Variants in CFAP97D1 observed in about 807,000 individuals in gnomAD.
CFAP97D1 encodes sperm axonemal maintenance protein CFAP97D1.
Under a neutral mutation model 20.5 loss-of-function variants are expected in CFAP97D1, and 15 were observed. The ratio of observed to expected loss-of-function variants is 0.73; its 90% confidence interval spans 0.49 to 1.13. The LOEUF is 1.13. Ranked by LOEUF, CFAP97D1 falls within the 50% of genes most tolerant of loss-of-function variation. The pLI is 0.00. For missense variants in CFAP97D1, 168 were observed against 202.9 expected (o/e 0.83, Z 1.04); for synonymous variants, 58 against 71.2 (o/e 0.82, Z 0.93).
chr17:43,780,594 G>A lies in CFAP97D1; in HGVS notation c.124+8G>A. 6.4e-7 allele frequency: 1 copy of A among 1,551,668 alleles called. No individual in the cohort carries two copies. The highest frequency in any genetic ancestry group is 1.4e-5 in the African/African-American group (1 of 73,168). ...AGAATAGAATACAAATAGGTATGTG[G>A]GCAGTTTGGGCTGGACACTGCTATT... On this transcript the variant is annotated splice_region_variant and intron_variant, in intron 1 of 5. Transcript: ENST00000449302.
intron 3 of CFAP97D1, 171 bp from the exon 4 acceptor site, chr17:43,783,009 C>T (rs1252376623): frequency 8.7e-6 from 6 of 687,248 alleles, no homozygotes; most frequent in Non-Finnish European, 1.2e-5. Flanking sequence ...TGCATGTTTC[C>T]CGGAGTGCAG....
In CFAP97D1 at chr17:43,786,909, C is replaced by A. The variant is rs1434230493; in HGVS notation, c.*2527C>A. The A allele has an allele frequency of 6.6e-6, 1 of 152,026 alleles. No individual in the cohort carries two copies. Among genetic ancestry groups the A allele is most frequent in the East Asian group, 1.9e-4 (1 of 5,200 alleles). 9.4% of individuals were successfully genotyped at this position (152,026 alleles called of 1,614,324 possible). On this transcript the variant is annotated 3_prime_UTR_variant, in exon 6 of 6. Transcript: ENST00000449302. ...TATGGACATGCTACAATATATTTAA[C>A]CATACATCCATCAAAGGACATTGGG...
rs1270481685 is a variant in CFAP97D1, at chr17:43,783,812, C to T, written c.439-25C>T. ...AATAGCACCAATGCCCTGGCATTGA[C>T]ATAAACCAATTTTTTTCCTTCAAGA... On this transcript the variant is annotated intron_variant, in intron 4 of 5. Coordinates refer to ENST00000449302, the MANE Select transcript of CFAP97D1 (RefSeq NM_001136483.3). The T allele has an allele frequency of 8.5e-6, 13 of 1,538,412 alleles. No individual in the cohort carries two copies. In the East Asian group the frequency reaches 2.9e-4, roughly 35 times the overall value.
At position 43,784,412 on chromosome 17, in the gene CFAP97D1, A is replaced by T. The variant is rs922636267; in HGVS notation, c.*30A>T. 3.3e-5 allele frequency: 5 copies of T among 152,422 alleles called. No individual in the cohort carries two copies. The highest frequency in any genetic ancestry group is 5.9e-5 in the Non-Finnish European group (4 of 68,206). 9.4% of individuals were successfully genotyped at this position (152,422 alleles called of 1,614,324 possible). On this transcript the variant is annotated 3_prime_UTR_variant, in exon 6 of 6. Coordinates refer to ENST00000449302, the MANE Select transcript of CFAP97D1 (RefSeq NM_001136483.3). The stretch of plus-strand genomic sequence containing the variant: ...CTCACCATGGAAAAGATACAAGAGA[A>T]GGCCCTAGGATTTCTTGGCTGCTCA...
At position 43,786,052 on chromosome 17, in the gene CFAP97D1, G is replaced by T. The variant is rs996284120; in HGVS notation, c.*1670G>T. ...CTGAGAACCCACTAGGGGGGACAAGGGTGCTGGTGTGAGTCTTGGAGTACA... is the reference window on the plus strand; with the variant it reads ...CTGAGAACCCACTAGGGGGGACAAGTGTGCTGGTGTGAGTCTTGGAGTACA... On this transcript the variant is annotated 3_prime_UTR_variant, in exon 6 of 6. Coordinates refer to ENST00000449302, the MANE Select transcript of CFAP97D1 (RefSeq NM_001136483.3). The T allele has an allele frequency of 1.3e-5, 2 of 152,316 alleles. No homozygotes were observed. The highest frequency in any genetic ancestry group is 4.1e-4 in the South Asian group (2 of 4,836). 9.4% of individuals were successfully genotyped at this position (152,316 alleles called of 1,614,324 possible).
At position 43,785,944 on chromosome 17, in the gene CFAP97D1, A is replaced by G. The variant is rs2044289524; in HGVS notation, c.*1562A>G. 6.6e-6 allele frequency: 1 copy of G among 152,126 alleles called. No homozygotes were observed. The highest frequency in any genetic ancestry group is 2.4e-5 in the African/African-American group (1 of 41,370). The allele number at this position is 152,126 out of a possible 1,614,324, so 9.4% of individuals were successfully genotyped here. Reference sequence around the variant, plus strand: ...AAGGCCTGCCTCCCACCTCACTGGGATGCTGGTAGCATGGCTTGGTCCAAG... The same window carrying G: ...AAGGCCTGCCTCCCACCTCACTGGGGTGCTGGTAGCATGGCTTGGTCCAAG... On this transcript the variant is annotated 3_prime_UTR_variant, in exon 6 of 6. Coordinates refer to ENST00000449302, the MANE Select transcript of CFAP97D1 (RefSeq NM_001136483.3).
chr17:43,781,700 G>A, intron 2 of CFAP97D1, 74 bp from the exon 3 acceptor site: 1 of 956,672 alleles, frequency 1.0e-6, no homozygotes, highest in East Asian at 2.6e-5. Flanking sequence ...CTCAGAGGAG[G>A]GGAACACTAA....
chr17:43,782,499 C>T (rs1234646011), intron 3 of CFAP97D1, among the ~76,000 whole-genome samples: 1 of 152,160 alleles, frequency 6.6e-6, no homozygotes, highest in Non-Finnish European at 1.5e-5. Flanking sequence ...AGCACCATGG[C>T]TGGGGCTATG....
At chr17:43,781,279 T>C in intron 2 of CFAP97D1, 90 bp downstream of exon 2, 1 of 1,051,738 alleles carries the variant, frequency 9.5e-7, no homozygotes, top group Non-Finnish European at 1.4e-6. Flanking sequence ...CAGAGCCTTC[T>C]AAATACCCAT....
rs1314271945 is a variant in CFAP97D1 at position 43,785,833 on chromosome 17, G to A, written c.*1451G>A. 1 of 152,156 alleles carries A rather than the reference G, an allele frequency of 6.6e-6. No individual in the cohort carries two copies. Among genetic ancestry groups the A allele is most frequent in the Non-Finnish European group, 1.5e-5 (1 of 68,056 alleles). The allele number at this position is 152,156 out of a possible 1,614,324, so 9.4% of individuals were successfully genotyped here. On this transcript the variant is annotated 3_prime_UTR_variant, in exon 6 of 6. Coordinates refer to ENST00000449302, the MANE Select transcript of CFAP97D1 (RefSeq NM_001136483.3). ...AAACTGACATGGCACACTAGTGGGA[G>A]TGTCTTATGGAAAGCTGCTTCCACC...
Position 43,783,988 on chromosome 17 carries a change from C to A in CFAP97D1, c.*95C>A, listed in dbSNP as rs1974501188. ...CGAATGAGGGGCCCAGTTAAGGAGACGGATTTTGCTCTTCTCATATAATAT... is the reference window on the plus strand; with the variant it reads ...CGAATGAGGGGCCCAGTTAAGGAGAAGGATTTTGCTCTTCTCATATAATAT... On this transcript the variant is annotated intron_variant, in intron 5 of 5. Transcript: ENST00000449302. 13 of 927,566 alleles carry A rather than the reference C, an allele frequency of 1.4e-5. No individual in the cohort carries two copies. The Admixed American group carries it at 1.8e-4, about 13-fold the overall frequency. 57.5% of individuals were successfully genotyped at this position (927,566 alleles called of 1,614,324 possible). A position where few individuals can be genotyped will look rare whatever the true frequency, so the allele number is the denominator to read the frequency against.
Position 43,781,207 on chromosome 17 carries a change from TTGCAGATG to T in CFAP97D1, c.195+28_195+35del. 4 of 1,540,274 alleles carry T rather than the reference TTGCAGATG, an allele frequency of 2.6e-6. No individual in the cohort carries two copies. Among genetic ancestry groups the T allele is most frequent in the Non-Finnish European group, 3.5e-6 (4 of 1,136,954 alleles). ...AACTACAGGTATTTGTTCTTGCTGC[TTGCAGATG>T]TGCAGATGTATTTTATTGACTTCCA... On this transcript the variant is annotated intron_variant, in intron 2 of 5. Coordinates refer to ENST00000449302, the MANE Select transcript of CFAP97D1 (RefSeq NM_001136483.3).
Position 43,781,168 on chromosome 17 carries a change from T to G in CFAP97D1, c.174T>G (p.Ile58Met), listed in dbSNP as rs1480433400. ...TKPPVAHTNH[I>M]LKLSKLQGEQ... ...CTCCAGTGGCGCACACAAATCACAT[T>G]TTAAAATTGAGCAAACTACAGGTAT... Residue 58 changes from isoleucine to methionine, a missense_variant, in exon 2 of 6, where the codon ATT (isoleucine) becomes ATG (methionine). Physicochemically the swap from Ile to Met is conservative, Grantham distance 10. Coordinates refer to ENST00000449302, the MANE Select transcript of CFAP97D1 (RefSeq NM_001136483.3). The G allele has an allele frequency of 6.4e-7, 1 of 1,551,522 alleles. No homozygotes were observed.
Position 43,781,871 on chromosome 17 carries a change from G to A in CFAP97D1, c.293G>A (p.Trp98Ter). Reference protein sequence around the residue: ...AHRGPAKVDCWNEYFSKSLNR... With the variant: ...AHRGPAKVDC The stretch of plus-strand genomic sequence containing the variant: ...CGCGGCCCTGCCAAGGTGGATTGCT[G>A]GAATGAATATTTTTCCAAGAGGTAA... The change falls in exon 3 of 6, where the codon TGG (tryptophan) becomes TAG (stop). Residue 98 changes from tryptophan (W) to a stop codon, truncating the protein, a stop_gained. Transcript: ENST00000449302. LOFTEE classifies it high-confidence loss of function. 6 of 1,549,284 alleles carry A rather than the reference G, an allele frequency of 3.9e-6. No homozygotes were observed. The highest frequency in any genetic ancestry group is 5.2e-6 in the Non-Finnish European group (6 of 1,144,840).
chr17:43,781,983 T>A, intron 3 of CFAP97D1, 91 bp downstream of exon 3: 1 of 838,588 alleles, frequency 1.2e-6, no homozygotes, highest in Non-Finnish European at 2.0e-6. Flanking sequence ...GTCAGAGAAG[T>A]ACTTAAGGGA....
At chr17:43,781,741 G>T (rs1351837508) in intron 2 of CFAP97D1, 33 bp from the exon 3 acceptor site, 4 of 1,336,742 alleles carry the variant, frequency 3.0e-6, no homozygotes, top group East Asian at 5.0e-5. Context: ...TGCACTGATG[G>T]TGTCACCATG....
In CFAP97D1 at chr17:43,785,789, G is replaced by T. The variant is rs985042707; in HGVS notation, c.*1407G>T. 1.3e-5 allele frequency: 2 copies of T among 152,214 alleles called. No homozygotes were observed. The highest frequency in any genetic ancestry group is 2.9e-5 in the Non-Finnish European group (2 of 68,070). 9.4% of individuals were successfully genotyped at this position (152,214 alleles called of 1,614,324 possible). A position where few individuals can be genotyped will look rare whatever the true frequency, so the allele number is the denominator to read the frequency against. ...CCTGGAAAGGGGTGGTAACTCCTAG[G>T]TGTTGCTACGGTAATGGTAAACTGA... On this transcript the variant is annotated 3_prime_UTR_variant, in exon 6 of 6. Transcript: ENST00000449302.
At position 43,781,127 on chromosome 17, in the gene CFAP97D1, A is replaced by C; in HGVS notation, c.133A>C (p.Thr45Pro). 6.4e-7 allele frequency: 1 copy of C among 1,551,186 alleles called. No individual in the cohort carries two copies. Among genetic ancestry groups the C allele is most frequent in the Non-Finnish European group, 8.7e-7 (1 of 1,146,580 alleles). ...TTATCCCCCTTCTCTAGCGAAGCCT[A>C]CTGTTGATACCAAACCTCCAGTGGC... ...HKNRIQIAKP[T>P]VDTKPPVAHT... Residue 45 changes from threonine (T) to proline (P), a missense_variant, in exon 2 of 6, where the codon ACT becomes CCT. Coordinates refer to ENST00000449302, the MANE Select transcript of CFAP97D1 (RefSeq NM_001136483.3).
Position 43,781,142 on chromosome 17 carries a change from C to T in CFAP97D1, c.148C>T (p.Pro50Ser), listed in dbSNP as rs1447378936. 6.4e-7 allele frequency: 1 copy of T among 1,551,518 alleles called. No individual in the cohort carries two copies. Among genetic ancestry groups the T allele is most frequent in the Non-Finnish European group, 8.7e-7 (1 of 1,146,856 alleles). The change falls in exon 2 of 6, where the codon CCT (proline) becomes TCT (serine). Residue 50 changes from proline to serine, a missense_variant. Transcript: ENST00000449302. ...AGCGAAGCCTACTGTTGATACCAAA[C>T]CTCCAGTGGCGCACACAAATCACAT... ...QIAKPTVDTK[P>S]PVAHTNHILK...
Sources: allele counts gnomAD v4.1 joint callset (sites outside exome capture counted in the v4.1 genomes callset), GRCh38; gene constraint gnomAD v4.1.1; transcripts MANE v1.5; gene names NCBI Gene and HGNC (gene_info 2026-07-23, HGNC 2026-07-21).